Variants in MICU2 observed in about 807,000 individuals in gnomAD.
MICU2 encodes calcium uptake protein 2, mitochondrial.
MICU2 carries 64 observed loss-of-function variants against 60.4 expected under a neutral mutation model. The observed-to-expected ratio is 1.06, with a 90% CI of 0.87 to 1.31. The LOEUF is 1.31. Ranked by LOEUF, MICU2 falls within the 50% of genes most tolerant of loss-of-function variation. MICU2 has a pLI of 0.00. For synonymous variants in MICU2, 201 were observed against 175.0 expected (o/e 1.15, Z -1.17); for missense variants, 569 against 531.0 (o/e 1.07, Z -0.70).
At chr13:21,533,927 A>G (rs1887068412) in intron 4 of MICU2, among the ~76,000 whole-genome samples, 2 of 152,278 alleles carry the variant, frequency 1.3e-5, no homozygotes, top group Middle Eastern at 6.8e-3. Flanking sequence ...TTTGATAAAG[A>G]GGAGATAAAA....
At chr13:21,493,893 C>A (rs1267703074) in intron 11 of MICU2, among the ~76,000 whole-genome samples, 2 of 151,938 alleles carry the variant, frequency 1.3e-5, no homozygotes, top group Non-Finnish European at 1.5e-5. Flanking sequence ...CTACTCTCAA[C>A]AAAATGAAAA....
intron 2 of MICU2, among the ~76,000 whole-genome samples, chr13:21,544,467 G>A (rs1593336467): frequency 1.9e-5 from 2 of 106,122 alleles, no homozygotes; most frequent in African/African-American, 7.1e-5. Flanking sequence ...CAAAGAGCCT[G>A]AATAGACACT....
At chr13:21,600,940 G>A (rs1888800156) in intron 1 of MICU2, among the ~76,000 whole-genome samples, 1 of 152,116 alleles carries the variant, frequency 6.6e-6, no homozygotes, top group South Asian at 2.1e-4. Flanking sequence ...GGGACTACAG[G>A]CGCCCGCCAC....
chr13:21,498,100 A>C (rs1886047058), intron 9 of MICU2, among the ~76,000 whole-genome samples: 1 of 152,090 alleles, frequency 6.6e-6, no homozygotes, highest in East Asian at 1.9e-4. Flanking sequence ...CTGAAAAAAA[A>C]AGTTTCTCTT....
intron 4 of MICU2, among the ~76,000 whole-genome samples, chr13:21,525,948 ATTTT>A (rs1555271845): frequency 5.8e-5 from 7 of 120,690 alleles, no homozygotes; most frequent in South Asian, 2.9e-4. Context: ...TTATTTATTT[ATTTT>A]TTAACAAGGT....
chr13:21,510,201 C>A, intron 7 of MICU2, 100 bp from the exon 8 acceptor site: 1 of 522,958 alleles, frequency 1.9e-6, no homozygotes. Flanking sequence ...AAGGATTCTT[C>A]TTACAGCAAC....
intron 7 of MICU2, among the ~76,000 whole-genome samples, chr13:21,511,630 T>C (rs541529906): frequency 2.0e-5 from 3 of 152,326 alleles, no homozygotes; most frequent in South Asian, 4.1e-4. Flanking sequence ...AGTCAACATA[T>C]AGAACATTCC....
intron 2 of MICU2, among the ~76,000 whole-genome samples, chr13:21,562,864 CTGATA>C (rs1286862964): frequency 6.6e-6 from 1 of 152,124 alleles, no homozygotes; most frequent in Non-Finnish European, 1.5e-5. Context: ...TGCCAAGTTC[CTGATA>C]TATCGTTTTC....
chr13:21,504,830 G>A (rs1236066183), intron 8 of MICU2, among the ~76,000 whole-genome samples: 1 of 152,076 alleles, frequency 6.6e-6, no homozygotes, highest in East Asian at 1.9e-4. Context: ...GCATGGTAGA[G>A]TATTTATTTA....
At chr13:21,541,628 A>G (rs1887285226) in intron 2 of MICU2, among the ~76,000 whole-genome samples, 1 of 152,152 alleles carries the variant, frequency 6.6e-6, no homozygotes, top group Non-Finnish European at 1.5e-5. Flanking sequence ...ACAAATTGGC[A>G]AGAGGAATTA....
intron 1 of MICU2, among the ~76,000 whole-genome samples, chr13:21,593,571 C>CAAAAAAAAAAAAAAA (rs71093338): frequency 3.2e-5 from 2 of 63,028 alleles, no homozygotes; most frequent in African/African-American, 6.7e-5. Flanking sequence ...CAATCCTAAG[C>CAAAAAAAAAAAAAAA]AAAAAAAAAA....
intron 2 of MICU2, among the ~76,000 whole-genome samples, chr13:21,556,224 T>C (rs950085827): frequency 6.6e-6 from 1 of 152,206 alleles, no homozygotes; most frequent in African/African-American, 2.4e-5. Flanking sequence ...AATCTAATGG[T>C]CAATTCTTAG....
intron 4 of MICU2, among the ~76,000 whole-genome samples, chr13:21,538,538 C>T (rs1257236323): frequency 7.9e-6 from 1 of 126,524 alleles, no homozygotes; most frequent in Non-Finnish European, 1.6e-5. Context: ...CACTCCAACC[C>T]AGCAACAGAG....
chr13:21,562,839 G>A (rs1203621390), intron 2 of MICU2, among the ~76,000 whole-genome samples: 1 of 151,966 alleles, frequency 6.6e-6, no homozygotes, highest in Non-Finnish European at 1.5e-5. Flanking sequence ...TACCTTAACT[G>A]TCTTCCTTTC....
At chr13:21,582,093 C>A (rs1018867348) in intron 1 of MICU2, among the ~76,000 whole-genome samples, 3 of 152,142 alleles carry the variant, frequency 2.0e-5, no homozygotes, top group Non-Finnish European at 4.4e-5. Flanking sequence ...ATACTTATAG[C>A]TTTTAGTAGA....
At chr13:21,571,364 CCT>C (rs1239370928) in intron 1 of MICU2, among the ~76,000 whole-genome samples, 1 of 151,906 alleles carries the variant, frequency 6.6e-6, no homozygotes, top group East Asian at 1.9e-4. Flanking sequence ...GTAGTGAGAC[CCT>C]GTCTCTATAA....
intron 4 of MICU2, among the ~76,000 whole-genome samples, chr13:21,525,977 C>T (rs184059599): frequency 9.9e-5 from 15 of 151,534 alleles, no homozygotes; most frequent in East Asian, 9.7e-4. Flanking sequence ...CTCTGTTTCC[C>T]GGGCTGGAGT....
At chr13:21,559,545 GAC>G (rs1202423263) in intron 2 of MICU2, among the ~76,000 whole-genome samples, 17 of 143,244 alleles carry the variant, frequency 1.2e-4, no homozygotes, top group African/African-American at 3.6e-4. Context: ...TTTTTTTTGA[GAC>G]AGAGTCTTGC....
At chr13:21,532,111 C>T (rs529202327) in intron 4 of MICU2, among the ~76,000 whole-genome samples, 10 of 152,238 alleles carry the variant, frequency 6.6e-5, no homozygotes, top group African/African-American at 1.9e-4. Flanking sequence ...ACGTAGAGGG[C>T]GAATGAAGAG....
Sources: allele counts gnomAD v4.1 joint callset (sites outside exome capture counted in the v4.1 genomes callset), GRCh38; gene constraint gnomAD v4.1.1; transcripts MANE v1.5; gene names NCBI Gene and HGNC (gene_info 2026-07-23, HGNC 2026-07-21).